The following TMEM74 variants were observed in gnomAD, a reference collection of about 807,000 sequenced individuals.
TMEM74 encodes transmembrane protein 74.
TMEM74 carries 13 observed loss-of-function variants against 18.1 expected under a neutral mutation model. That is an observed-to-expected ratio of 0.72 (90% CI 0.47 to 1.14). The LOEUF is 1.14. Ranked by LOEUF, TMEM74 falls within the 50% of genes most tolerant of loss-of-function variation. The pLI is 0.00. For missense variants in TMEM74, 372 were observed against 375.9 expected (o/e 0.99, Z 0.09); for synonymous variants, 159 against 146.6 (o/e 1.08, Z -0.61).
chr8:108,705,399 A>G (rs3019335), intron 1 of TMEM74, among the ~76,000 whole-genome samples: 34,974 of 152,144 alleles, frequency 0.23, 4,069 homozygotes, highest in East Asian at 0.29. Flanking sequence ...GAGAAAAAGG[A>G]GTTGTTAATT....
intron 2 of TMEM74, among the ~76,000 whole-genome samples, chr8:108,616,614 T>C (rs1470683464): frequency 5.3e-5 from 8 of 152,154 alleles, no homozygotes; most frequent in African/African-American, 1.9e-4. Flanking sequence ...TCCGTTTCTG[T>C]TTCCACTTAA....
At chr8:108,674,550 G>T (rs186003492) in intron 1 of TMEM74, among the ~76,000 whole-genome samples, 1 of 152,324 alleles carries the variant, frequency 6.6e-6, no homozygotes, top group East Asian at 1.9e-4. Context: ...TCAGCCTCAT[G>T]TATTACTCCA....
intron 1 of TMEM74, among the ~76,000 whole-genome samples, chr8:108,749,650 C>G (rs1813885398): frequency 6.6e-6 from 1 of 152,076 alleles, no homozygotes; most frequent in African/African-American, 2.4e-5. Context: ...ATTTCTTTCT[C>G]TTACCTTATT....
intron 2 of TMEM74, among the ~76,000 whole-genome samples, chr8:108,649,924 A>C (rs989657568): frequency 6.6e-6 from 1 of 152,134 alleles, no homozygotes; most frequent in African/African-American, 2.4e-5. Flanking sequence ...TTTCATAGAC[A>C]AAATAGAGGC....
chr8:108,676,782 C>T (rs10808426), intron 1 of TMEM74, among the ~76,000 whole-genome samples: 67,291 of 151,952 alleles, frequency 0.44, 15,285 homozygotes, highest in East Asian at 0.7. Context: ...CAATGCCTAA[C>T]GCATAGTAGG....
At chr8:108,679,279 G>A (rs1813088447) in intron 1 of TMEM74, among the ~76,000 whole-genome samples, 1 of 152,026 alleles carries the variant, frequency 6.6e-6, no homozygotes, top group Admixed American at 6.6e-5. Flanking sequence ...GGGATGGCTG[G>A]GTCAAATGGT....
chr8:108,742,916 G>A (rs1813815834), intron 1 of TMEM74, among the ~76,000 whole-genome samples: 1 of 152,158 alleles, frequency 6.6e-6, no homozygotes, highest in South Asian at 2.1e-4. Context: ...ATGACCGAGT[G>A]TAACATTTCA....
At chr8:108,674,813 A>G (rs1380814132) in intron 1 of TMEM74, among the ~76,000 whole-genome samples, 1 of 152,226 alleles carries the variant, frequency 6.6e-6, no homozygotes, top group African/African-American at 2.4e-5. Flanking sequence ...TGTGCTGCAG[A>G]CAATCTGTGA....
At chr8:108,721,449 A>G (rs1007814190) in intron 1 of TMEM74, among the ~76,000 whole-genome samples, 1 of 152,162 alleles carries the variant, frequency 6.6e-6, no homozygotes, top group Non-Finnish European at 1.5e-5. Context: ...AATACTTTCC[A>G]TTCTTAGGAA....
At position 108,658,298 on chromosome 8, in the gene TMEM74, G is replaced by A. The variant is rs371971737; in HGVS notation, n.120-2861C>T. Among the ~76,000 whole-genome samples, 44 of 152,094 alleles carry A rather than the reference G, an allele frequency of 2.9e-4. No individual in the cohort carries two copies. The Middle Eastern group carries it at 0.01, about 35-fold the overall frequency. ...ACCTAGAAGTATAAGGGTTATGTAG[G>A]AATGGGGTACCTAAAATAATCAGGA... On this transcript the variant is annotated intron_variant and non_coding_transcript_variant, in intron 1 of 3. Coordinates refer to the TMEM74 transcript ENST00000518838.
chr8:108,731,734 A>T (rs1335701073), intron 1 of TMEM74, among the ~76,000 whole-genome samples: 4 of 151,914 alleles, frequency 2.6e-5, no homozygotes, highest in African/African-American at 4.8e-5. Context: ...TCTGATATTT[A>T]AAAAAAATGT....
At chr8:108,679,568 A>T (rs1813091599) in intron 1 of TMEM74, among the ~76,000 whole-genome samples, 1 of 152,126 alleles carries the variant, frequency 6.6e-6, no homozygotes, top group Non-Finnish European at 1.5e-5. Context: ...GTCTGTTCAT[A>T]TCCTTCGCCC....
intron 2 of TMEM74, among the ~76,000 whole-genome samples, chr8:108,654,271 A>G (rs946782086): frequency 6.6e-6 from 1 of 152,186 alleles, no homozygotes; most frequent in Non-Finnish European, 1.5e-5. Context: ...TAGGTCTGCT[A>G]CTTACTAGCT....
At chr8:108,758,272 G>A (rs896590147) in intron 1 of TMEM74, among the ~76,000 whole-genome samples, 2 of 151,980 alleles carry the variant, frequency 1.3e-5, no homozygotes, top group Non-Finnish European at 2.9e-5. Context: ...TAGTAAGCAA[G>A]CATATGAACT....
chr8:108,759,186 A>C (rs537679899), intron 1 of TMEM74, among the ~76,000 whole-genome samples: 2 of 152,224 alleles, frequency 1.3e-5, no homozygotes, highest in African/African-American at 4.8e-5. Flanking sequence ...AAGATAAGCT[A>C]CAATTCTAAT....
intron 1 of TMEM74, among the ~76,000 whole-genome samples, chr8:108,700,116 T>C (rs1813320525): frequency 6.9e-6 from 1 of 144,652 alleles, no homozygotes; most frequent in Non-Finnish European, 1.5e-5. Flanking sequence ...GATAAACTGC[T>C]CTAGGCCATA....
chr8:108,657,888 ATATATATATATATATT>A (rs1812860382), intron 1 of TMEM74, among the ~76,000 whole-genome samples: 2 of 118,468 alleles, frequency 1.7e-5, no homozygotes, highest in Non-Finnish European at 3.4e-5. Flanking sequence ...ATATATATAT[ATATATATATATATATT>A]AATTACATAT....
At chr8:108,698,200 CA>C (rs1398535676) in intron 1 of TMEM74, among the ~76,000 whole-genome samples, 1 of 152,176 alleles carries the variant, frequency 6.6e-6, no homozygotes, top group Non-Finnish European at 1.5e-5. Context: ...CAGAGAAATT[CA>C]GTTACTTTTA....
chr8:108,673,353 A>G (rs934931467), intron 1 of TMEM74, among the ~76,000 whole-genome samples: 6 of 152,142 alleles, frequency 3.9e-5, no homozygotes, highest in Admixed American at 2.6e-4. Context: ...TTCGGACTTT[A>G]TTGTCACATG....
Sources: gnomAD v4.1 joint callset for allele counts (sites outside exome capture counted in the v4.1 genomes callset) on GRCh38, gnomAD v4.1.1 for gene constraint, MANE v1.5 for transcripts, NCBI Gene and HGNC (gene_info 2026-07-23, HGNC 2026-07-21) for gene names.